The following MTUS1 variants were observed in gnomAD, a reference collection of about 807,000 sequenced individuals.
MTUS1 encodes microtubule-associated tumor suppressor 1.
MTUS1 carries 109 observed loss-of-function variants against 120.8 expected under a neutral mutation model. The observed-to-expected ratio is 0.90, with a 90% CI of 0.77 to 1.06. The LOEUF (loss-of-function observed/expected upper bound fraction) is 1.06, where lower values mean the gene tolerates loss of function less well. Among genes scored for constraint, MTUS1 ranks in the 50% least tolerant of loss-of-function variants. MTUS1 has a pLI of 0.00. For synonymous variants in MTUS1, 737 were observed against 550.5 expected, an observed-to-expected ratio of 1.34 and a Z score of -4.74; for missense variants, 2,210 against 1,486.3, an observed-to-expected ratio of 1.49 and a Z score of -8.01.
rs1362316159 is a variant in MTUS1 at position 17,644,314 on chromosome 8, T to A, written c.*1612A>T. On this transcript the variant is annotated 3_prime_UTR_variant, in exon 15 of 15. Coordinates refer to ENST00000693296, the MANE Select transcript of MTUS1 (RefSeq NM_001363059.2). ...ACATGAGTATCAACTTGCTATGTAGTGTACATGTAAATGACCCAAATATTC... is the reference window on the plus strand; with the variant it reads ...ACATGAGTATCAACTTGCTATGTAGAGTACATGTAAATGACCCAAATATTC... 1 of 152,648 alleles carries A rather than the reference T, an allele frequency of 6.6e-6. No homozygotes were observed. The allele number at this position is 152,648 out of a possible 1,614,324, so 9.5% of individuals were successfully genotyped here.
intron 1 of MTUS1, among the ~76,000 whole-genome samples, chr8:17,769,817 A>C (rs1487800145): frequency 6.6e-6 from 1 of 150,392 alleles, no homozygotes; most frequent in South Asian, 2.1e-4. Flanking sequence ...GATCATTTTA[A>C]ATCATAAGCA....
intron 3 of MTUS1, among the ~76,000 whole-genome samples, chr8:17,726,522 T>A (rs1231654600): frequency 2.6e-5 from 4 of 152,228 alleles, no homozygotes; most frequent in African/African-American, 4.8e-5. Flanking sequence ...TTCATTTTTT[T>A]AAATGCCAAC....
At chr8:17,778,720 G>A (rs2050645369) in intron 1 of MTUS1, among the ~76,000 whole-genome samples, 1 of 152,102 alleles carries the variant, frequency 6.6e-6, no homozygotes, top group African/African-American at 2.4e-5. Flanking sequence ...GAAGTGGGAG[G>A]ATCGTTTGGG....
rs1377182537 is a variant in MTUS1, at chr8:17,643,930, C to T, written c.*1996G>A. ...CCAACATTTTGCATTCTACATGAAA[C>T]ATTTGGTTTAAACAAAATCTTAAGA... is the stretch of plus-strand genomic sequence containing the variant. On this transcript the variant is annotated 3_prime_UTR_variant, in exon 15 of 15. Coordinates refer to ENST00000693296, the MANE Select transcript of MTUS1 (RefSeq NM_001363059.2). The T allele has an allele frequency of 6.6e-6, 1 of 152,190 alleles. No homozygotes were observed. The highest frequency in any genetic ancestry group is 1.5e-5 in the Non-Finnish European group (1 of 68,030). 9.4% of individuals were successfully genotyped at this position (152,190 alleles called of 1,614,324 possible).
chr8:17,744,215 T>C lies in MTUS1; in HGVS notation c.2092-416A>G, dbSNP rs780566937. The stretch of plus-strand genomic sequence containing the variant: ...AATTTACATTCTGTAGAGAATCTTC[T>C]TCCCTTCCCAGATCTTTGGTCCCAA... On this transcript the variant is annotated intron_variant, in intron 2 of 14. Coordinates refer to ENST00000693296, the MANE Select transcript of MTUS1 (RefSeq NM_001363059.2). Among the ~76,000 whole-genome samples, 10 of 152,222 alleles carry C rather than the reference T, an allele frequency of 6.6e-5. 1 individual carries two copies. Among genetic ancestry groups the C allele is most frequent in the Non-Finnish European group, 8.8e-5 (6 of 68,042 alleles).
Position 17,753,752 on chromosome 8 carries a change from T to C in MTUS1, c.2056A>G (p.Met686Val), listed in dbSNP as rs761327659. 1.9e-6 allele frequency: 3 copies of C among 1,611,130 alleles called. No homozygotes were observed. The highest frequency in any genetic ancestry group is 2.5e-6 in the Non-Finnish European group (3 of 1,179,302). ...MEKQELKQEI[M>V]NETFEYGSLF... is the part of the protein sequence containing the mutation. Reference sequence around the variant, plus strand: ...GAACCATATTCAAAAGTCTCATTCATAATCTCTTGTTTCAGCTCTTGTTTT... The same window carrying C: ...GAACCATATTCAAAAGTCTCATTCACAATCTCTTGTTTCAGCTCTTGTTTT... The change falls in exon 2 of 15, where the codon ATG becomes GTG. Residue 686 changes from methionine (M) to valine (V), a missense_variant. Physicochemically the swap from Met to Val is conservative, Grantham distance 21. Coordinates refer to ENST00000693296, the MANE Select transcript of MTUS1 (RefSeq NM_001363059.2).
chr8:17,739,978 G>C (rs981838266), intron 3 of MTUS1, among the ~76,000 whole-genome samples: 2 of 152,104 alleles, frequency 1.3e-5, no homozygotes, highest in African/African-American at 4.8e-5. Flanking sequence ...GGCCAAGGTG[G>C]GTGGATCACC....
At chr8:17,688,078 C>A (rs1816202201) in intron 6 of MTUS1, among the ~76,000 whole-genome samples, 1 of 152,202 alleles carries the variant, frequency 6.6e-6, no homozygotes, top group South Asian at 2.1e-4. Flanking sequence ...GCTGGCTTTT[C>A]CAATTATTAA....
intron 3 of MTUS1, among the ~76,000 whole-genome samples, chr8:17,731,545 T>C (rs1019981021): frequency 1.3e-5 from 2 of 151,926 alleles, no homozygotes; most frequent in Admixed American, 6.6e-5. Flanking sequence ...ATAAAAAAAA[T>C]AATTAAACAT....
intron 7 of MTUS1, chr8:17,676,377 A>C (rs1207461224): frequency 4.3e-6 from 3 of 702,460 alleles, no homozygotes; most frequent in East Asian, 2.7e-5. Flanking sequence ...ACTGTGCAAG[A>C]AGCATACAGG....
At chr8:17,674,246 C>T (rs971837888) in intron 8 of MTUS1, among the ~76,000 whole-genome samples, 2 of 151,930 alleles carry the variant, frequency 1.3e-5, no homozygotes, top group Admixed American at 6.6e-5. Flanking sequence ...ATGGCGAAAC[C>T]CCATCTCTAC....
rs376478057 is a variant in MTUS1, at chr8:17,675,163, C to G, written c.2905+23G>C. 5 of 1,612,958 alleles carry G rather than the reference C, an allele frequency of 3.1e-6. No individual in the cohort carries two copies. In the African/African-American group the frequency reaches 6.7e-5, roughly 22 times the overall value. On this transcript the variant is annotated intron_variant, in intron 8 of 14. Transcript: ENST00000693296. ...GTTCCCCTTGTCCCATAAAATTTAA[C>G]AACAACAACAAAAAGCTCTTACCTA...
At chr8:17,769,398 A>T (rs1344609898) in intron 1 of MTUS1, among the ~76,000 whole-genome samples, 2 of 141,142 alleles carry the variant, frequency 1.4e-5, no homozygotes, top group Non-Finnish European at 3.0e-5. Context: ...CCCAGGCTGG[A>T]GTGCAGTGGC....
At chr8:17,674,846 C>T in intron 8 of MTUS1, 10 of 1,111,054 alleles carry the variant, frequency 9.0e-6, no homozygotes, top group Non-Finnish European at 1.1e-5. Flanking sequence ...TCACTATTCT[C>T]ATATGAAAAG....
At chr8:17,737,935 T>C (rs573300462) in intron 3 of MTUS1, among the ~76,000 whole-genome samples, 2 of 152,294 alleles carry the variant, frequency 1.3e-5, no homozygotes, top group African/African-American at 4.8e-5. Context: ...ATAAAAGTAA[T>C]TTGAAGAAGA....
intron 8 of MTUS1, among the ~76,000 whole-genome samples, chr8:17,663,179 A>T (rs1406255322): frequency 6.6e-6 from 1 of 152,222 alleles, no homozygotes; most frequent in Non-Finnish European, 1.5e-5. Flanking sequence ...ACAGAGCTGG[A>T]GTCCTCCCAG....
chr8:17,670,408 G>A (rs992912759), intron 8 of MTUS1, among the ~76,000 whole-genome samples: 1 of 152,192 alleles, frequency 6.6e-6, no homozygotes, highest in Non-Finnish European at 1.5e-5. Flanking sequence ...CACTATTTAA[G>A]GGGTAAGTGA....
In MTUS1 at chr8:17,783,521, AT is replaced by A. The variant is rs370664216; in HGVS notation, c.-155+17539del. Among the ~76,000 whole-genome samples, 137 of 150,912 alleles carry A rather than the reference AT, an allele frequency of 9.1e-4. 1 individual carries two copies. The highest frequency in any genetic ancestry group is 2.6e-3 in the African/African-American group (108 of 41,152). ...TAGACATGGAGGAGGAGATGATGTA[AT>A]TTTTTTTTTAAATAAAAAGATATGC... On this transcript the variant is annotated intron_variant, in intron 1 of 14. Coordinates refer to ENST00000693296, the MANE Select transcript of MTUS1 (RefSeq NM_001363059.2).
At chr8:17,774,241 T>C (rs904882632) in intron 1 of MTUS1, among the ~76,000 whole-genome samples, 2 of 152,194 alleles carry the variant, frequency 1.3e-5, no homozygotes, top group Non-Finnish European at 2.9e-5. Context: ...ATGCAGCTAC[T>C]ACTAGTTTGG....
Sources: gnomAD v4.1 joint callset for allele counts (sites outside exome capture counted in the v4.1 genomes callset) on GRCh38, gnomAD v4.1.1 for gene constraint, MANE v1.5 for transcripts, NCBI Gene and HGNC (gene_info 2026-07-23, HGNC 2026-07-21) for gene names.